DGKI: variants seen among roughly 807,000 people sequenced by gnomAD.
DGKI encodes DAG kinase iota.
Under a neutral mutation model 147.5 loss-of-function variants are expected in DGKI, and 55 were observed. The observed-to-expected ratio is 0.37, with a 90% CI of 0.30 to 0.47. The LOEUF is 0.47. DGKI is among the 20% of genes least tolerant of loss of function. DGKI has a pLI of 1.00. For synonymous variants in DGKI, 469 were observed against 477.1 expected, an observed-to-expected ratio of 0.98 and a Z score of 0.22; for missense variants, 1,007 against 1,323.8, an observed-to-expected ratio of 0.76 and a Z score of 3.71.
At chr7:137,500,179 C>G (rs554430726) in intron 21 of DGKI, among the ~76,000 whole-genome samples, 1 of 152,266 alleles carries the variant, frequency 6.6e-6, no homozygotes, top group South Asian at 2.1e-4. Context: ...TTACCCCTTT[C>G]CAGCCAAAAT....
intron 12 of DGKI, among the ~76,000 whole-genome samples, chr7:137,589,720 A>C (rs1486786569): frequency 6.6e-6 from 1 of 152,240 alleles, no homozygotes; most frequent in African/African-American, 2.4e-5. Flanking sequence ...CCAACTGCAG[A>C]AACAACAGCC....
At chr7:137,500,608 T>C (rs1001580757) in intron 21 of DGKI, among the ~76,000 whole-genome samples, 13 of 152,214 alleles carry the variant, frequency 8.5e-5, no homozygotes, top group African/African-American at 2.6e-4. Context: ...CACCACAAAT[T>C]GTAAACAGCC....
intron 6 of DGKI, among the ~76,000 whole-genome samples, chr7:137,624,710 T>G (rs995414013): frequency 1.3e-5 from 2 of 151,748 alleles, no homozygotes; most frequent in African/African-American, 4.8e-5. Flanking sequence ...GTTCACACCA[T>G]TCTCCTGCCT....
chr7:137,431,020 T>C (rs4728412), intron 28 of DGKI, among the ~76,000 whole-genome samples: 51,505 of 151,902 alleles, frequency 0.34, 9,717 homozygotes, highest in East Asian at 0.65. Context: ...TACCACCCTC[T>C]TCCCCAAAGA....
rs545844749 is a variant in DGKI, at chr7:137,753,041, TACATACAC to T, written c.402-63047_402-63040del. Among the ~76,000 whole-genome samples, 114 of 112,466 alleles carry T rather than the reference TACATACAC, an allele frequency of 1.0e-3. 2 individuals are homozygous for T. The South Asian group carries it at 0.03, about 30-fold the overall frequency. The allele number at this position is 112,466 out of a possible 152,430, so 73.8% of individuals were successfully genotyped here. A position where few individuals can be genotyped will look rare whatever the true frequency, so the allele number is the denominator to read the frequency against. ...TAGTGCATGCTAGTACATACGAATG[TACATACAC>T]ACACACACACACACACGCACACCCA... On this transcript the variant is annotated intron_variant, in intron 1 of 32. Coordinates refer to ENST00000614521, the MANE Select transcript of DGKI (RefSeq NM_001321708.2).
At position 137,390,183 on chromosome 7, in the gene DGKI, T is replaced by G. The variant is rs529748151; in HGVS notation, c.*1037A>C. The G allele has an allele frequency of 6.8e-6, 1 of 146,568 alleles. No homozygotes were observed. Among genetic ancestry groups the G allele is most frequent in the African/African-American group, 2.5e-5 (1 of 40,360 alleles). 9.1% of individuals were successfully genotyped at this position (146,568 alleles called of 1,614,324 possible). On this transcript the variant is annotated 3_prime_UTR_variant, in exon 33 of 33. Coordinates refer to ENST00000614521, the MANE Select transcript of DGKI (RefSeq NM_001321708.2). ...TATGTTGCTACTTTTGCTTTTGCTG[T>G]TTTTTTTTTCCAAGTCAATTAGGGT...
intron 1 of DGKI, among the ~76,000 whole-genome samples, chr7:137,786,956 C>T (rs142976324): frequency 6.6e-6 from 1 of 152,262 alleles, no homozygotes; most frequent in East Asian, 1.9e-4. Flanking sequence ...TCATCTCTCA[C>T]CTTATACAAA....
At chr7:137,529,467 C>T (rs1817265054) in intron 20 of DGKI, among the ~76,000 whole-genome samples, 1 of 152,156 alleles carries the variant, frequency 6.6e-6, no homozygotes, top group African/African-American at 2.4e-5. Context: ...TAATTTACCA[C>T]ATGGTTATTC....
chr7:137,587,657 G>A (rs191569135), intron 12 of DGKI, among the ~76,000 whole-genome samples: 3 of 152,186 alleles, frequency 2.0e-5, no homozygotes, highest in African/African-American at 4.8e-5. Flanking sequence ...ATAATAATAC[G>A]TACCTCACAC....
chr7:137,597,795 CAAT>C, intron 12 of DGKI, 49 bp downstream of exon 12: 1 of 1,557,574 alleles, frequency 6.4e-7, no homozygotes, highest in East Asian at 2.2e-5. Context: ...CACAAGAAAA[CAAT>C]AAGAAAGATA....
At chr7:137,441,632 G>A (rs1436514284) in intron 28 of DGKI, among the ~76,000 whole-genome samples, 1 of 152,098 alleles carries the variant, frequency 6.6e-6, no homozygotes, top group African/African-American at 2.4e-5. Context: ...CAGGGTTATT[G>A]GACGTTGCAA....
At chr7:137,427,168 A>T (rs1475569932) in intron 28 of DGKI, among the ~76,000 whole-genome samples, 5 of 152,116 alleles carry the variant, frequency 3.3e-5, no homozygotes, top group South Asian at 4.1e-4. Flanking sequence ...CTCCTCAGCA[A>T]ATGTAAAAGA....
rs756836762 is a variant in DGKI at position 137,846,679 on chromosome 7, C to T, written c.184G>A (p.Glu62Lys). The T allele has an allele frequency of 1.9e-6, 2 of 1,070,944 alleles. No homozygotes were observed. Among genetic ancestry groups the T allele is most frequent in the South Asian group, 3.1e-5 (1 of 32,614 alleles). 66.3% of individuals were successfully genotyped at this position (1,070,944 alleles called of 1,614,324 possible). The change falls in exon 1 of 33, where the codon GAG becomes AAG. Residue 62 changes from glutamate (E) to lysine (K), a missense_variant. Glu to Lys is a moderately conservative substitution (Grantham distance 56, BLOSUM62 1). Around this residue, in one of 5 missense-constraint regions of DGKI, gnomAD observed 137 missense variants for 114.4 expected, o/e 1.20. Transcript: ENST00000614521. This position sits in a 1 kb window ranked among gnomAD's most constrained non-coding sequence, Gnocchi z 4.0. ...AMNPSSSAGE[E>K]KGATGGSSSS... ...CTGCTGCCGCCCGTCGCCCCTTTCT[C>T]CTCTCCCGCCGAGGAGCTGGGGTTC...
chr7:137,588,603 A>G (rs1029156446), intron 12 of DGKI, among the ~76,000 whole-genome samples: 6 of 151,732 alleles, frequency 4.0e-5, no homozygotes, highest in Non-Finnish European at 8.8e-5. Flanking sequence ...CAGCCTCCCA[A>G]GTAGCCGGGA....
rs142975113 is a variant in DGKI, at chr7:137,676,216, A to C, written c.606+2341T>G. On this transcript the variant is annotated intron_variant, in intron 3 of 32. Transcript: ENST00000614521. ...ATGATGAGCCTGCCCATTTCAGCCT[A>C]AACCAACCAGCAGCAACTATTACCA... Among the ~76,000 whole-genome samples the C allele has an allele frequency of 4.3e-3, 652 of 152,304 alleles. 1 individual carries two copies. Among genetic ancestry groups the C allele is most frequent in the African/African-American group, 0.015 (630 of 41,566 alleles).
Position 137,581,867 on chromosome 7 carries a change from T to G in DGKI, c.1625A>C (p.Glu542Ala). ...SLGFDAHVTLEFHESREANPE... is the reference protein window; with the variant it reads ...SLGFDAHVTLAFHESREANPE... The stretch of plus-strand genomic sequence containing the variant: ...GTCCTCACCTCTGGATTCATGGAAC[T>G]CCAGTGTGACATGGGCATCAAATCC... The change falls in exon 15 of 33, where the codon GAG becomes GCG. Residue 542 changes from glutamate (E) to alanine (A), a missense_variant. Around this residue, in one of 5 missense-constraint regions of DGKI, gnomAD observed 224 missense variants for 382.7 expected, o/e 0.59. Coordinates refer to ENST00000614521, the MANE Select transcript of DGKI (RefSeq NM_001321708.2). 6.2e-7 allele frequency: 1 copy of G among 1,613,392 alleles called. No individual in the cohort carries two copies. Among genetic ancestry groups the G allele is most frequent in the South Asian group, 1.1e-5 (1 of 91,008 alleles).
chr7:137,399,550 A>G (rs924482016), intron 30 of DGKI, among the ~76,000 whole-genome samples: 8 of 152,206 alleles, frequency 5.3e-5, no homozygotes, highest in African/African-American at 1.9e-4. Flanking sequence ...TTAATCTCTC[A>G]GCTCCTTGTT....
intron 21 of DGKI, among the ~76,000 whole-genome samples, chr7:137,520,197 C>G (rs1331156394): frequency 6.6e-6 from 1 of 152,074 alleles, no homozygotes; most frequent in Non-Finnish European, 1.5e-5. Flanking sequence ...CTAAAAATTT[C>G]AAATGTGTCC....
Position 137,608,856 on chromosome 7 carries a change from T to A in DGKI, c.1167+110A>T, listed in dbSNP as rs115246199. The A allele has an allele frequency of 2.2e-3, 1,766 of 812,928 alleles. 28 individuals are homozygous for A. The African/African-American group carries it at 0.028, about 13-fold the overall frequency. 50.4% of individuals were successfully genotyped at this position (812,928 alleles called of 1,614,324 possible). A position where few individuals can be genotyped will look rare whatever the true frequency, so the allele number is the denominator to read the frequency against. On this transcript the variant is annotated intron_variant, in intron 10 of 32. Coordinates refer to ENST00000614521, the MANE Select transcript of DGKI (RefSeq NM_001321708.2). ...AATAACCTTGTTCCTGAGAAACCGG[T>A]GTCTTCCAAAGCTTGGGATCCTAGT...
Sources: allele counts gnomAD v4.1 joint callset (sites outside exome capture counted in the v4.1 genomes callset), GRCh38; gene constraint gnomAD v4.1.1; regional missense constraint gnomAD v4.1.1; non-coding constraint Gnocchi (gnomAD v3.1); transcripts MANE v1.5; gene names NCBI Gene and HGNC (gene_info 2026-07-23, HGNC 2026-07-21).